The following COL25A1 variants were observed in gnomAD, a reference collection of about 807,000 sequenced individuals.
COL25A1 encodes the protein collagen alpha-1(XXV) chain.
COL25A1 carries 103 observed loss-of-function variants against 128.4 expected under a neutral mutation model. The ratio of observed to expected loss-of-function variants is 0.80; its 90% CI spans 0.68 to 0.94. The LOEUF is 0.94. COL25A1 is among the 40% of genes least tolerant of loss of function. The pLI, the probability that COL25A1 is intolerant of heterozygous loss-of-function variation, is 0.00. For missense variants in COL25A1, 745 were observed against 840.0 expected, an observed-to-expected ratio of 0.89 and a Z score of 1.40; for synonymous variants, 279 against 277.2, an observed-to-expected ratio of 1.01 and a Z score of -0.06.
At chr4:109,141,266 C>A (rs1398104902) in intron 3 of COL25A1, among the ~76,000 whole-genome samples, 2 of 152,178 alleles carry the variant, frequency 1.3e-5, no homozygotes, top group African/African-American at 4.8e-5. Flanking sequence ...AACAGACTTG[C>A]ATCCCAGAAA....
chr4:109,155,751 GT>G (rs994969072), intron 3 of COL25A1, among the ~76,000 whole-genome samples: 1 of 152,130 alleles, frequency 6.6e-6, no homozygotes, highest in Non-Finnish European at 1.5e-5. Flanking sequence ...CCAAAGTTCC[GT>G]TTTGTTCACT....
At chr4:108,925,766 T>C (rs1372406612) in intron 11 of COL25A1, among the ~76,000 whole-genome samples, 1 of 152,188 alleles carries the variant, frequency 6.6e-6, no homozygotes, top group African/African-American at 2.4e-5. Flanking sequence ...TGCTGGCCTA[T>C]TCTAATAGCC....
At chr4:108,997,602 G>A (rs1754907618) in intron 6 of COL25A1, among the ~76,000 whole-genome samples, 1 of 152,122 alleles carries the variant, frequency 6.6e-6, no homozygotes, top group African/African-American at 2.4e-5. Flanking sequence ...GAAAAAGAGG[G>A]AATCCTCCCT....
chr4:108,995,370 T>C (rs566901405), intron 6 of COL25A1, among the ~76,000 whole-genome samples: 6 of 152,118 alleles, frequency 3.9e-5, no homozygotes, highest in Admixed American at 6.5e-5. Flanking sequence ...AGGATATCAG[T>C]GATTGAAGAT....
intron 6 of COL25A1, among the ~76,000 whole-genome samples, chr4:108,989,589 C>T (rs1046751527): frequency 2.0e-5 from 3 of 151,920 alleles, no homozygotes; most frequent in African/African-American, 4.8e-5. Context: ...TTAAGAGTTC[C>T]AATAATTAGC....
chr4:109,072,856 G>A (rs1579280940), intron 3 of COL25A1, among the ~76,000 whole-genome samples: 1 of 152,086 alleles, frequency 6.6e-6, no homozygotes. Flanking sequence ...ACTCTACAGG[G>A]GGCCCACATA....
chr4:109,149,966 GTGTA>G (rs1771317111), intron 3 of COL25A1, among the ~76,000 whole-genome samples: 1 of 150,384 alleles, frequency 6.6e-6, no homozygotes, highest in Non-Finnish European at 1.5e-5. Flanking sequence ...GTGTACCTGT[GTGTA>G]TGTATGTGTA....
At chr4:109,003,042 T>C (rs1755607152) in intron 6 of COL25A1, among the ~76,000 whole-genome samples, 1 of 152,176 alleles carries the variant, frequency 6.6e-6, no homozygotes, top group Admixed American at 6.5e-5. Flanking sequence ...GACATTTGCT[T>C]TTCTGCTCCT....
At chr4:109,259,947 C>T (rs1321729513) in intron 3 of COL25A1, among the ~76,000 whole-genome samples, 1 of 152,176 alleles carries the variant, frequency 6.6e-6, no homozygotes, top group East Asian at 1.9e-4. Flanking sequence ...CTGGAAGAGT[C>T]TTGAAAATGG....
intron 3 of COL25A1, among the ~76,000 whole-genome samples, chr4:109,066,544 A>G (rs1762468056): frequency 6.6e-6 from 1 of 152,242 alleles, no homozygotes. Context: ...AAGCACTTAA[A>G]AACAGAGAAC....
intron 3 of COL25A1, among the ~76,000 whole-genome samples, chr4:109,070,898 G>T (rs1032516266): frequency 2.6e-5 from 4 of 152,000 alleles, no homozygotes; most frequent in African/African-American, 7.3e-5. Flanking sequence ...GTATTCCATG[G>T]TGTATATGTG....
chr4:109,200,904 A>C (rs546474749), intron 3 of COL25A1, among the ~76,000 whole-genome samples: 1 of 152,312 alleles, frequency 6.6e-6, no homozygotes, highest in East Asian at 1.9e-4. Flanking sequence ...ACTGTCATGT[A>C]TACATGATTC....
intron 3 of COL25A1, among the ~76,000 whole-genome samples, chr4:109,100,613 C>T (rs569721647): frequency 3.3e-5 from 5 of 152,246 alleles, no homozygotes; most frequent in African/African-American, 1.2e-4. Context: ...ACAAAAGTTA[C>T]ACATATTTTC....
chr4:108,949,454 G>T (rs1749142030), intron 8 of COL25A1, among the ~76,000 whole-genome samples: 1 of 152,026 alleles, frequency 6.6e-6, no homozygotes, highest in South Asian at 2.1e-4. Context: ...CCACCCAATT[G>T]TAAGTGGCAG....
At chr4:109,017,227 GCAGTCAGTGT>G (rs1757309615) in intron 5 of COL25A1, among the ~76,000 whole-genome samples, 1 of 152,242 alleles carries the variant, frequency 6.6e-6, no homozygotes, top group African/African-American at 2.4e-5. Context: ...CCCCACTGCA[GCAGTCAGTGT>G]ACCTGGCTGT....
intron 23 of COL25A1, 67 bp downstream of exon 23, chr4:108,860,860 T>G: frequency 7.8e-7 from 1 of 1,281,428 alleles, no homozygotes; most frequent in East Asian, 2.3e-5. Context: ...TGAATAGCCA[T>G]GCAGACATGA....
At chr4:109,260,081 G>A (rs17233629) in intron 3 of COL25A1, among the ~76,000 whole-genome samples, 35,586 of 152,086 alleles carry the variant, frequency 0.23, 4,869 homozygotes, top group Middle Eastern at 0.3. Context: ...AGTAGAACAG[G>A]TGAAAAAACT....
chr4:109,183,051 G>T (rs1364083160), intron 3 of COL25A1, among the ~76,000 whole-genome samples: 1 of 151,876 alleles, frequency 6.6e-6, no homozygotes, highest in East Asian at 1.9e-4. Flanking sequence ...TTTAAACTAG[G>T]ATTAGCCTAG....
intron 3 of COL25A1, among the ~76,000 whole-genome samples, chr4:109,135,074 A>T (rs977470955): frequency 1.3e-5 from 2 of 150,854 alleles, no homozygotes; most frequent in African/African-American, 4.9e-5. Flanking sequence ...AGAAACACCC[A>T]AGTAGAGAGA....
Sources: allele counts gnomAD v4.1 joint callset (sites outside exome capture counted in the v4.1 genomes callset), GRCh38; gene constraint gnomAD v4.1.1; transcripts MANE v1.5; gene names NCBI Gene and HGNC (gene_info 2026-07-23, HGNC 2026-07-21).